Variants in SFXN1 observed in about 807,000 individuals in gnomAD.
SFXN1 encodes the protein sideroflexin-1.
SFXN1 carries 32 observed loss-of-function variants against 39.5 expected under a neutral mutation model. The observed-to-expected ratio is 0.81, with a 90% CI of 0.61 to 1.09. The LOEUF is 1.09. Among genes scored for constraint, SFXN1 ranks in the 50% least tolerant of loss-of-function variants. The probability of loss-of-function intolerance (pLI) is 0.00; values close to 1 mark genes in which losing one functional copy is unlikely to be tolerated. For missense variants in SFXN1, 402 were observed against 407.1 expected, an observed-to-expected ratio of 0.99 and a Z score of 0.11; for synonymous variants, 136 against 146.5, an observed-to-expected ratio of 0.93 and a Z score of 0.52.
At chr5:175,494,004 G>A (rs1759761189) in intron 2 of SFXN1, among the ~76,000 whole-genome samples, 1 of 152,170 alleles carries the variant, frequency 6.6e-6, no homozygotes, top group South Asian at 2.1e-4. Context: ...AGATGGAAAA[G>A]AAGGGTACGA....
rs538534250 is a variant in SFXN1, at chr5:175,527,544, A to G, written c.*810A>G. ...AATTTTGGAAGTATATTCAATACCAATGCTGTATGAGTGGGCTGAATCCAG... is the reference window on the plus strand; with the variant it reads ...AATTTTGGAAGTATATTCAATACCAGTGCTGTATGAGTGGGCTGAATCCAG... On this transcript the variant is annotated 3_prime_UTR_variant, in exon 11 of 11. Transcript: ENST00000321442. The G allele has an allele frequency of 2.0e-5, 3 of 152,304 alleles. No homozygotes were observed. Among genetic ancestry groups the G allele is most frequent in the South Asian group, 2.1e-4 (1 of 4,832 alleles). The allele number at this position is 152,304 out of a possible 1,614,324, so 9.4% of individuals were successfully genotyped here. A position where few individuals can be genotyped will look rare whatever the true frequency, so the allele number is the denominator to read the frequency against.
intron 8 of SFXN1, among the ~76,000 whole-genome samples, chr5:175,520,737 A>G (rs1444515908): frequency 2.0e-5 from 3 of 152,130 alleles, no homozygotes; most frequent in Non-Finnish European, 4.4e-5. Context: ...TTACCCTCCC[A>G]TCACCAAATC....
At chr5:175,491,295 A>G (rs1487983752) in intron 1 of SFXN1, among the ~76,000 whole-genome samples, 2 of 152,204 alleles carry the variant, frequency 1.3e-5, no homozygotes, top group East Asian at 1.9e-4. Context: ...TGTGCTAAAC[A>G]AGGCTGAATG....
intron 1 of SFXN1, among the ~76,000 whole-genome samples, chr5:175,486,134 G>A (rs1206680238): frequency 6.6e-6 from 1 of 151,844 alleles, no homozygotes; most frequent in Admixed American, 6.6e-5. Flanking sequence ...TAAGGTTATT[G>A]TAGTATAGAA....
At chr5:175,524,119 AAAAAAAATATATATATATATATAT>A (rs1171265464) in intron 10 of SFXN1, 5 of 38,636 alleles carry the variant, frequency 1.3e-4, no homozygotes, top group African/African-American at 7.3e-4. Flanking sequence ...AAAAAAAAAA[AAAAAAAATATATATATATATATAT>A]ATATATATAT....
intron 2 of SFXN1, among the ~76,000 whole-genome samples, chr5:175,496,825 T>C (rs1405537921): frequency 6.6e-6 from 1 of 152,038 alleles, no homozygotes; most frequent in Non-Finnish European, 1.5e-5. Flanking sequence ...AAAGTCTGGG[T>C]GATAAATTGC....
intron 2 of SFXN1, among the ~76,000 whole-genome samples, chr5:175,507,985 A>AAT (rs1422209723): frequency 7.9e-5 from 12 of 152,030 alleles, no homozygotes; most frequent in African/African-American, 2.7e-4. Flanking sequence ...AAAAAAAAAA[A>AAT]AAAAAAATTC....
At chr5:175,513,952 T>G (rs1581316713) in intron 7 of SFXN1, among the ~76,000 whole-genome samples, 1 of 147,186 alleles carries the variant, frequency 6.8e-6, no homozygotes, top group Non-Finnish European at 1.5e-5. Context: ...GTGGGAGGGG[T>G]GGGGAGCAGT....
intron 1 of SFXN1, among the ~76,000 whole-genome samples, chr5:175,487,602 C>A (rs1285428819): frequency 6.6e-6 from 1 of 152,152 alleles, no homozygotes; most frequent in Non-Finnish European, 1.5e-5. Flanking sequence ...CACCACAGTC[C>A]TTGGATCTCT....
chr5:175,484,660 C>T (rs569245234), intron 1 of SFXN1, among the ~76,000 whole-genome samples: 1 of 152,368 alleles, frequency 6.6e-6, no homozygotes, highest in South Asian at 2.1e-4. Context: ...GCACAGGGCG[C>T]GTCTCGGCGC....
rs934325482 is a variant in SFXN1 at position 175,527,707 on chromosome 5, T to C, written c.*973T>C. The C allele has an allele frequency of 2.6e-5, 4 of 152,096 alleles. No individual in the cohort carries two copies. Among genetic ancestry groups the C allele is most frequent in the African/African-American group, 9.7e-5 (4 of 41,420 alleles). 9.4% of individuals were successfully genotyped at this position (152,096 alleles called of 1,614,324 possible). ...GTGTATGAATCAGTCACAATGAATT[T>C]TACTTGAATATTGTATGTTGCATTC... is the stretch of plus-strand genomic sequence containing the variant. On this transcript the variant is annotated 3_prime_UTR_variant, in exon 11 of 11. Transcript: ENST00000321442.
At chr5:175,478,909 C>G (rs1357830326) in intron 1 of SFXN1, among the ~76,000 whole-genome samples, 1 of 152,138 alleles carries the variant, frequency 6.6e-6, no homozygotes, top group Admixed American at 6.5e-5. Flanking sequence ...GCCTCGTCCC[C>G]GGTGGGAAGG....
intron 3 of SFXN1, among the ~76,000 whole-genome samples, chr5:175,509,600 A>T (rs1381084638): frequency 6.6e-6 from 1 of 151,908 alleles, no homozygotes; most frequent in South Asian, 2.1e-4. Context: ...TCTAAATCTT[A>T]GCCCCAAAAG....
chr5:175,481,275 A>G (rs907302202), intron 1 of SFXN1, among the ~76,000 whole-genome samples: 2 of 152,180 alleles, frequency 1.3e-5, no homozygotes, highest in African/African-American at 4.8e-5. Context: ...GAGGACTGGA[A>G]TATGAGCAAT....
intron 3 of SFXN1, chr5:175,509,467 G>A: frequency 4.3e-6 from 1 of 234,548 alleles, no homozygotes. Flanking sequence ...AAGAAAAGAA[G>A]TCATTTCACT....
chr5:175,522,765 A>G, intron 10 of SFXN1: 1 of 193,462 alleles, frequency 5.2e-6, no homozygotes, highest in Non-Finnish European at 1.1e-5. Context: ...ATAGGATGCA[A>G]GTTCCACCCC....
At position 175,528,889 on chromosome 5, in the gene SFXN1, C is replaced by G. The variant is rs1437099562; in HGVS notation, c.*2155C>G. On this transcript the variant is annotated 3_prime_UTR_variant, in exon 11 of 11. Transcript: ENST00000321442. Reference sequence around the variant, plus strand: ...TAAGAAGCTAAGGCACTGCTGCCTGCCCCAGGTGTCCCGCTCCTCTCAGAG... The same window carrying G: ...TAAGAAGCTAAGGCACTGCTGCCTGGCCCAGGTGTCCCGCTCCTCTCAGAG... 1 of 152,342 alleles carries G rather than the reference C, an allele frequency of 6.6e-6. No individual in the cohort carries two copies. Among genetic ancestry groups the G allele is most frequent in the Non-Finnish European group, 1.5e-5 (1 of 68,160 alleles). 9.4% of individuals were successfully genotyped at this position (152,342 alleles called of 1,614,324 possible). A position where few individuals can be genotyped will look rare whatever the true frequency, so the allele number is the denominator to read the frequency against.
At chr5:175,494,996 A>G (rs1255644936) in intron 2 of SFXN1, among the ~76,000 whole-genome samples, 1 of 152,240 alleles carries the variant, frequency 6.6e-6, no homozygotes, top group South Asian at 2.1e-4. Flanking sequence ...ACTCATGTAC[A>G]TAGCAGCATT....
intron 4 of SFXN1, 67 bp downstream of exon 4, chr5:175,510,274 C>CT: frequency 7.7e-7 from 1 of 1,302,720 alleles, no homozygotes; most frequent in Non-Finnish European, 1.1e-6. Flanking sequence ...TGGTGATACT[C>CT]TCCTGTTTAA....
Sources: gnomAD v4.1 joint callset for allele counts (sites outside exome capture counted in the v4.1 genomes callset) on GRCh38, gnomAD v4.1.1 for gene constraint, MANE v1.5 for transcripts, NCBI Gene and HGNC (gene_info 2026-07-23, HGNC 2026-07-21) for gene names.